COL24A1: variants seen among roughly 807,000 people sequenced by gnomAD.
The protein encoded by COL24A1 is collagen type XXIV alpha 1 chain.
Under a neutral mutation model 253.9 loss-of-function variants are expected in COL24A1, and 224 were observed. The observed-to-expected ratio is 0.88, with a 90% CI of 0.79 to 0.99. The LOEUF (loss-of-function observed/expected upper bound fraction) is 0.99. Among genes scored for constraint, COL24A1 ranks in the 50% least tolerant of loss-of-function variants. COL24A1 has a pLI of 0.00. For missense variants in COL24A1, 2,131 were observed against 2,068.5 expected, an observed-to-expected ratio of 1.03 and a Z score of -0.59; for synonymous variants, 685 against 673.7, an observed-to-expected ratio of 1.02 and a Z score of -0.26.
intron 1 of COL24A1, 57 bp downstream of exon 1, chr1:86,156,284 G>C (rs986352622): frequency 1.7e-5 from 26 of 1,523,074 alleles, no homozygotes; most frequent in African/African-American, 4.2e-5. Context: ...GCAGAACCAG[G>C]GGGTGGAGAG....
intron 18 of COL24A1, among the ~76,000 whole-genome samples, chr1:86,020,716 T>TA (rs1375347159): frequency 1.3e-5 from 2 of 151,958 alleles, no homozygotes; most frequent in South Asian, 2.1e-4. Context: ...TCACATTATT[T>TA]AAAAAAAAGA....
At chr1:85,833,499 C>A (rs562768343) in intron 43 of COL24A1, among the ~76,000 whole-genome samples, 1 of 152,142 alleles carries the variant, frequency 6.6e-6, no homozygotes, top group Non-Finnish European at 1.5e-5. Context: ...GAAATAGGAA[C>A]ACTTTTACAC....
At chr1:86,012,392 A>G (rs1225859084) in intron 19 of COL24A1, among the ~76,000 whole-genome samples, 6 of 152,162 alleles carry the variant, frequency 3.9e-5, no homozygotes, top group Non-Finnish European at 8.8e-5. Flanking sequence ...GATCAAGACT[A>G]TCCCGGCTAA....
chr1:85,840,646 C>G (rs540402985), intron 42 of COL24A1, among the ~76,000 whole-genome samples: 178 of 152,064 alleles, frequency 1.2e-3, no homozygotes, highest in African/African-American at 3.9e-3. Context: ...TTGTTTTAGT[C>G]AAACATGAAC....
chr1:85,839,595 G>A (rs1227507109), intron 42 of COL24A1, among the ~76,000 whole-genome samples: 1 of 151,848 alleles, frequency 6.6e-6, no homozygotes, highest in East Asian at 1.9e-4. Context: ...AAATTAGCTG[G>A]CCCTGGTGGC....
chr1:86,041,965 T>C (rs1229432429), intron 12 of COL24A1, among the ~76,000 whole-genome samples: 1 of 152,106 alleles, frequency 6.6e-6, no homozygotes, highest in Non-Finnish European at 1.5e-5. Context: ...GTTAGTTTTA[T>C]TGAAGGCACA....
intron 51 of COL24A1, among the ~76,000 whole-genome samples, chr1:85,782,908 A>C (rs1669286742): frequency 6.6e-6 from 1 of 152,224 alleles, no homozygotes; most frequent in Non-Finnish European, 1.5e-5. Flanking sequence ...CAAAACAAAA[A>C]ACTAAAAACA....
chr1:85,738,182 T>C (rs1570398770), intron 57 of COL24A1, among the ~76,000 whole-genome samples: 1 of 152,180 alleles, frequency 6.6e-6, no homozygotes, highest in East Asian at 1.9e-4. Flanking sequence ...CTTAATGAAG[T>C]ATATGTGTAT....
intron 47 of COL24A1, among the ~76,000 whole-genome samples, chr1:85,802,898 T>C (rs1671587377): frequency 6.6e-6 from 1 of 152,250 alleles, no homozygotes; most frequent in Non-Finnish European, 1.5e-5. Context: ...AGCATGTATA[T>C]AATTCTTTTT....
chr1:85,924,299 A>G (rs560434511), intron 24 of COL24A1, among the ~76,000 whole-genome samples: 63 of 152,200 alleles, frequency 4.1e-4, no homozygotes, highest in Non-Finnish European at 6.0e-4. Flanking sequence ...AAAAAGAGGG[A>G]CTCCTCCTTA....
chr1:86,012,651 C>T (rs1195306691), intron 19 of COL24A1, among the ~76,000 whole-genome samples: 1 of 152,212 alleles, frequency 6.6e-6, no homozygotes, highest in East Asian at 1.9e-4. Context: ...TTTCTCCCCA[C>T]AGTCTTATGT....
At chr1:85,896,140 T>C in intron 29 of COL24A1, 75 bp from the exon 30 acceptor site, 1 of 1,409,898 alleles carries the variant, frequency 7.1e-7, no homozygotes, top group South Asian at 1.2e-5. Flanking sequence ...TATGCTAGCA[T>C]ACACTCACAT....
At chr1:86,094,824 A>C (rs1703785647) in intron 5 of COL24A1, among the ~76,000 whole-genome samples, 1 of 152,030 alleles carries the variant, frequency 6.6e-6, no homozygotes, top group African/African-American at 2.4e-5. Flanking sequence ...CTTAGAATTT[A>C]TAAGAGTAAT....
chr1:86,100,348 T>C (rs1466578508), intron 5 of COL24A1, among the ~76,000 whole-genome samples: 2 of 152,206 alleles, frequency 1.3e-5, no homozygotes, highest in African/African-American at 4.8e-5. Context: ...CTTCCATTTA[T>C]CAACTATTTT....
At chr1:86,117,907 A>T (rs1465208415) in intron 3 of COL24A1, among the ~76,000 whole-genome samples, 1 of 152,168 alleles carries the variant, frequency 6.6e-6, no homozygotes, top group East Asian at 1.9e-4. Flanking sequence ...TAGACAAGTC[A>T]GTTACTCTTT....
chr1:85,731,476 A>C (rs1261589210), intron 59 of COL24A1, among the ~76,000 whole-genome samples: 1 of 152,210 alleles, frequency 6.6e-6, no homozygotes, highest in Non-Finnish European at 1.5e-5. Context: ...CATTGAAAAT[A>C]AGTTACTTGT....
chr1:85,789,189 C>T (rs957032645), intron 47 of COL24A1, among the ~76,000 whole-genome samples: 1 of 152,188 alleles, frequency 6.6e-6, no homozygotes, highest in Admixed American at 6.5e-5. Flanking sequence ...TTCTTCCTAT[C>T]CACGAGCATG....
intron 19 of COL24A1, among the ~76,000 whole-genome samples, chr1:85,989,650 C>T (rs1047543454): frequency 5.9e-5 from 9 of 152,122 alleles, no homozygotes; most frequent in African/African-American, 1.2e-4. Context: ...CAGGGTCTTT[C>T]GTGATTTGGT....
intron 5 of COL24A1, among the ~76,000 whole-genome samples, chr1:86,111,483 T>C (rs1705596478): frequency 6.6e-6 from 1 of 151,864 alleles, no homozygotes; most frequent in Non-Finnish European, 1.5e-5. Context: ...ACTCTGTGTC[T>C]AGCTCAAGGT....
Sources: allele counts gnomAD v4.1 joint callset (sites outside exome capture counted in the v4.1 genomes callset), GRCh38; gene constraint gnomAD v4.1.1; transcripts MANE v1.5; gene names NCBI Gene and HGNC (gene_info 2026-07-23, HGNC 2026-07-21).